The following SYTL5 variants were observed in gnomAD, a reference collection of about 807,000 sequenced individuals.
SYTL5 encodes synaptotagmin-like protein 5.
Under a neutral mutation model 55.9 loss-of-function variants are expected in SYTL5, and 34 were observed. That is an observed-to-expected ratio of 0.61 (90% CI 0.46 to 0.81). SYTL5 has a LOEUF of 0.81. Ranked by LOEUF, SYTL5 falls within the 30% of genes least tolerant of loss-of-function variation. The pLI is 0.00. For missense variants in SYTL5, 637 were observed against 546.7 expected (o/e 1.17, Z -1.65); for synonymous variants, 221 against 188.7 (o/e 1.17, Z -1.40).
rs1936740377 is a variant in SYTL5, at chrX:38,089,446, G to C, written c.690G>C (p.Arg230Ser). The C allele has an allele frequency of 8.3e-7, 1 of 1,202,645 alleles. No homozygotes were observed. The highest frequency in any genetic ancestry group is 1.8e-5 in the African/African-American group (1 of 56,669). Residue 230 changes from arginine (R) to serine (S), a missense_variant and splice_region_variant, in exon 7 of 17, where the codon AGG becomes AGC. Coordinates refer to ENST00000297875, the MANE Select transcript of SYTL5 (RefSeq NM_138780.3). ...RSLKSPPGSD[R>S]GSTGSSDLND... ...AGTCAGAATATGCTTTCTCATTTAG[G>C]GGAAGCACTGGCTCATCAGATCTCA... is the stretch of plus-strand genomic sequence containing the variant.
At chrX:37,931,479 C>T in the SYTL5 span, among the ~76,000 whole-genome samples, 2 of 111,755 alleles carry the variant, frequency 1.8e-5, no homozygotes, top group African/African-American at 6.5e-5. Flanking sequence ...AAGGCTTTCC[C>T]TGACCATTCA....
chrX:38,110,261 T>C, intron 12 of SYTL5, 60 bp from the exon 13 acceptor site: 1 of 938,260 alleles, frequency 1.1e-6, no homozygotes, highest in Non-Finnish European at 1.4e-6. Context: ...AATTTCGACC[T>C]CTCCTGGAAT....
intron 4 of SYTL5, among the ~76,000 whole-genome samples, chrX:38,073,303 C>G (rs771904199): frequency 1.3e-4 from 15 of 111,794 alleles, no homozygotes; most frequent in African/African-American, 4.9e-4. Context: ...CCATGTTCCC[C>G]TGCTCTAAAA....
chrX:37,933,999 G>A, the SYTL5 span, among the ~76,000 whole-genome samples: 2 of 111,408 alleles, frequency 1.8e-5, no homozygotes, highest in Non-Finnish European at 3.8e-5. Flanking sequence ...TTAGCTAACA[G>A]AGTAGAGACT....
At chrX:38,046,027 C>T (rs1478752099) in intron 2 of SYTL5, among the ~76,000 whole-genome samples, 1 of 111,492 alleles carries the variant, frequency 9.0e-6, no homozygotes, top group African/African-American at 3.3e-5. Flanking sequence ...ATACGGAGTC[C>T]TTTCTGAGCA....
the SYTL5 span, among the ~76,000 whole-genome samples, chrX:37,959,455 A>C: frequency 8.9e-6 from 1 of 111,803 alleles, no homozygotes; most frequent in Non-Finnish European, 1.9e-5. Context: ...TAGTTCTACT[A>C]ATGATTAAAG....
Position 38,048,527 on chromosome X carries a change from CAA to C in SYTL5, c.120-5671_120-5670del, listed in dbSNP as rs201459563. ...GACATACCCGAGACTGGGCAATTTACAAAAAAAAAAAAAAAAGAGGTTTAGTG... is the reference window on the plus strand; with the variant it reads ...GACATACCCGAGACTGGGCAATTTACAAAAAAAAAAAAAAGAGGTTTAGTG... On this transcript the variant is annotated intron_variant, in intron 2 of 16. Transcript: ENST00000297875. Among the ~76,000 whole-genome samples the C allele has an allele frequency of 8.6e-4, 58 of 67,067 alleles. 1 individual carries two copies. Among genetic ancestry groups the C allele is most frequent in the South Asian group, 2.9e-3 (4 of 1,394 alleles). The allele number at this position is 67,067 out of a possible 115,157, so 58.2% of individuals were successfully genotyped here.
At chrX:38,109,317 C>T (rs1937300269) in intron 12 of SYTL5, among the ~76,000 whole-genome samples, 1 of 111,352 alleles carries the variant, frequency 9.0e-6, no homozygotes, top group African/African-American at 3.3e-5. Flanking sequence ...ACAATCTGGC[C>T]TGGTAAGAAA....
the SYTL5 span, among the ~76,000 whole-genome samples, chrX:37,916,638 T>C: frequency 1.8e-4 from 20 of 112,458 alleles, no homozygotes; most frequent in Non-Finnish European, 3.6e-4. Context: ...TACCTACTGG[T>C]TGAATGACTG....
chrX:38,000,373 T>G, the SYTL5 span, among the ~76,000 whole-genome samples: 1 of 111,533 alleles, frequency 9.0e-6, no homozygotes. Flanking sequence ...ACATAGTAGG[T>G]GTATGTATTT....
At chrX:38,096,688 A>C (rs1936947607) in intron 9 of SYTL5, among the ~76,000 whole-genome samples, 1 of 111,555 alleles carries the variant, frequency 9.0e-6, no homozygotes. Flanking sequence ...GAGAAGGTTA[A>C]ATTAGATTAT....
intron 4 of SYTL5, among the ~76,000 whole-genome samples, chrX:38,072,470 A>T (rs1476705241): frequency 8.9e-6 from 1 of 112,887 alleles, no homozygotes; most frequent in Non-Finnish European, 1.9e-5. Context: ...ACTTAAAGTA[A>T]CATAAAACAG....
chrX:38,128,122 T>C lies in SYTL5; in HGVS notation c.*1392T>C, dbSNP rs984291165. The C allele has an allele frequency of 8.9e-6, 1 of 111,980 alleles. No individual in the cohort carries two copies. The highest frequency in any genetic ancestry group is 1.9e-5 in the Non-Finnish European group (1 of 53,192). 9.2% of individuals were successfully genotyped at this position (111,980 alleles called of 1,213,427 possible). The stretch of plus-strand genomic sequence containing the variant: ...TTCCAGATGCTTGAGCTACGAAACT[T>C]AGATGCAAAGAAAGTTAAAGCTAGA... On this transcript the variant is annotated 3_prime_UTR_variant, in exon 17 of 17. Coordinates refer to ENST00000297875, the MANE Select transcript of SYTL5 (RefSeq NM_138780.3).
chrX:38,112,729 G>T (rs1192839217), intron 13 of SYTL5, among the ~76,000 whole-genome samples: 1 of 111,907 alleles, frequency 8.9e-6, no homozygotes, highest in Non-Finnish European at 1.9e-5. Context: ...TCATCCCCAG[G>T]CTGAGCTGGG....
chrX:37,991,149 C>T, the SYTL5 span: 10 of 1,209,075 alleles, frequency 8.3e-6, no homozygotes, highest in African/African-American at 1.6e-4. Context: ...TGATGTGACT[C>T]GCTTTTTGTT....
At chrX:38,037,300 C>T (rs368063096) in intron 2 of SYTL5, among the ~76,000 whole-genome samples, 4 of 111,707 alleles carry the variant, frequency 3.6e-5, no homozygotes, top group African/African-American at 1.3e-4. Flanking sequence ...GCCCCTCTCC[C>T]TGCCTTCTCC....
At chrX:37,934,282 A>G in the SYTL5 span, among the ~76,000 whole-genome samples, 1 of 110,881 alleles carries the variant, frequency 9.0e-6, no homozygotes, top group Middle Eastern at 4.6e-3. Flanking sequence ...TAAAGAGCTG[A>G]AGGAAACCAC....
the SYTL5 span, among the ~76,000 whole-genome samples, chrX:37,947,360 C>A: frequency 9.0e-6 from 1 of 111,375 alleles, no homozygotes; most frequent in African/African-American, 3.3e-5. Flanking sequence ...GGAAGTTTCC[C>A]TCATGCTGTT....
the SYTL5 span, among the ~76,000 whole-genome samples, chrX:37,989,845 A>T: frequency 9.0e-6 from 1 of 110,575 alleles, no homozygotes; most frequent in Non-Finnish European, 1.9e-5. Context: ...TTTACCTGGC[A>T]CTGACAGGTA....
Sources: gnomAD v4.1 joint callset for allele counts (sites outside exome capture counted in the v4.1 genomes callset) on GRCh38, gnomAD v4.1.1 for gene constraint, MANE v1.5 for transcripts, NCBI Gene and HGNC (gene_info 2026-07-23, HGNC 2026-07-21) for gene names.